Variants in NKAIN2 observed in about 807,000 individuals in gnomAD.
NKAIN2 encodes the protein sodium/potassium transporting ATPase interacting 2.
In NKAIN2, 14 loss-of-function variants were observed where a neutral mutation model predicts 32.6. The ratio of observed to expected loss-of-function variants is 0.43; its 90% CI spans 0.28 to 0.67. The LOEUF is 0.67. Ranked by LOEUF, NKAIN2 falls within the 30% of genes least tolerant of loss-of-function variation. The pLI, the probability that NKAIN2 is intolerant of heterozygous loss-of-function variation, is 0.17. For synonymous variants in NKAIN2, 80 were observed against 87.2 expected, an observed-to-expected ratio of 0.92 and a Z score of 0.46; for missense variants, 198 against 258.3, an observed-to-expected ratio of 0.77 and a Z score of 1.60.
At chr6:123,836,178 C>T (rs114793593) in intron 1 of NKAIN2, among the ~76,000 whole-genome samples, 235 of 151,918 alleles carry the variant, frequency 1.5e-3, no homozygotes, top group African/African-American at 5.6e-3. Context: ...CTTTAGAACT[C>T]GCTACTCTGG....
At chr6:123,845,908 A>G (rs939979029) in intron 1 of NKAIN2, among the ~76,000 whole-genome samples, 2 of 152,142 alleles carry the variant, frequency 1.3e-5, no homozygotes, top group Non-Finnish European at 2.9e-5. Flanking sequence ...CATATATACA[A>G]ATTACTTCCC....
chr6:124,013,679 CA>C (rs768061707), intron 1 of NKAIN2, among the ~76,000 whole-genome samples: 1 of 152,108 alleles, frequency 6.6e-6, no homozygotes, highest in African/African-American at 2.4e-5. Flanking sequence ...AAGAGACTTG[CA>C]GATATGATCA....
intron 1 of NKAIN2, among the ~76,000 whole-genome samples, chr6:123,994,556 T>C (rs1012869773): frequency 8.5e-5 from 13 of 152,126 alleles, no homozygotes; most frequent in Admixed American, 8.5e-4. Context: ...GTCTCTCCCC[T>C]TCTTCAAGTG....
chr6:124,637,372 G>A (rs1371502404), intron 3 of NKAIN2, among the ~76,000 whole-genome samples: 1 of 151,878 alleles, frequency 6.6e-6, no homozygotes, highest in Non-Finnish European at 1.5e-5. Flanking sequence ...ATTCAATATA[G>A]TACTAAAATG....
In NKAIN2 at chr6:124,114,087, G is replaced by A. The variant is rs2136700; in HGVS notation, c.55-168918G>A. Among the ~76,000 whole-genome samples the A allele has an allele frequency of 1.8e-3, 276 of 152,222 alleles. 1 individual carries two copies. Among genetic ancestry groups the A allele is most frequent in the African/African-American group, 5.9e-3 (245 of 41,550 alleles). On this transcript the variant is annotated intron_variant, in intron 1 of 6. Coordinates refer to ENST00000368417, the MANE Select transcript of NKAIN2 (RefSeq NM_001040214.3). ...AAGGTATCTTCCAGTTTTTCAAAAT[G>A]TTTGATTTTCAGTCTGACTAGCAAT...
intron 1 of NKAIN2, among the ~76,000 whole-genome samples, chr6:124,078,603 G>A (rs1395306171): frequency 5.3e-5 from 8 of 152,130 alleles, no homozygotes; most frequent in Admixed American, 4.6e-4. Flanking sequence ...CCTGAGAATT[G>A]TCTGCATCAA....
chr6:124,310,314 C>CATGCCTGCATAGAATGGTATTGCT (rs1796663740), intron 2 of NKAIN2, among the ~76,000 whole-genome samples: 1 of 151,792 alleles, frequency 6.6e-6, no homozygotes, highest in Admixed American at 6.6e-5. Context: ...CTTGTATTGC[C>CATGCCTGCATAGAATGGTATTGCT]ATGCCTGCAT....
At chr6:124,596,661 AGGGTGT>A (rs1236778960) in intron 3 of NKAIN2, among the ~76,000 whole-genome samples, 97 of 82,956 alleles carry the variant, frequency 1.2e-3, no homozygotes, top group African/African-American at 4.0e-3. Flanking sequence ...AATAAACCAT[AGGGTGT>A]GTGTGTGTGT....
rs191159880 is a variant in NKAIN2 at position 124,494,109 on chromosome 6, T to C, written c.273+138762T>C. 4.6e-5 allele frequency among the ~76,000 whole-genome samples: 7 copies of C among 152,222 alleles called. No individual in the cohort carries two copies. The East Asian group carries it at 1.2e-3, about 25-fold the overall frequency. ...ACAGCAAACTCCATCTTGATATATC[T>C]GTTCCGCTACCTCTATTGTAATGCA... is the stretch of plus-strand genomic sequence containing the variant. On this transcript the variant is annotated intron_variant, in intron 3 of 6. Coordinates refer to ENST00000368417, the MANE Select transcript of NKAIN2 (RefSeq NM_001040214.3).
intron 3 of NKAIN2, among the ~76,000 whole-genome samples, chr6:124,573,820 C>T (rs9491194): frequency 0.19 from 28,737 of 152,076 alleles, 4,566 homozygotes; most frequent in African/African-American, 0.44. Context: ...AGGTAAAATG[C>T]TTCACTCAAA....
chr6:124,363,521 G>C (rs762567864), intron 3 of NKAIN2, among the ~76,000 whole-genome samples: 2 of 152,132 alleles, frequency 1.3e-5, no homozygotes, highest in Admixed American at 6.5e-5. Flanking sequence ...TTCTGTACCA[G>C]GCTAAAAATA....
chr6:124,359,256 G>A (rs140146957), intron 3 of NKAIN2, among the ~76,000 whole-genome samples: 1,690 of 146,928 alleles, frequency 0.012, 32 homozygotes, highest in African/African-American at 0.039. Flanking sequence ...GGCAATGTGG[G>A]CTCTTTTTTG....
At chr6:124,435,868 T>C (rs893102691) in intron 3 of NKAIN2, among the ~76,000 whole-genome samples, 3 of 152,146 alleles carry the variant, frequency 2.0e-5, no homozygotes, top group African/African-American at 7.2e-5. Flanking sequence ...CACAGTATTA[T>C]TGGGTTCTTG....
At chr6:124,700,871 G>GACAC (rs143125409) in intron 4 of NKAIN2, among the ~76,000 whole-genome samples, 45,473 of 145,180 alleles carry the variant, frequency 0.31, 7,294 homozygotes, top group Non-Finnish European at 0.37. Flanking sequence ...TCTCTTTCCT[G>GACAC]ACACACACAC....
chr6:124,263,562 C>A (rs11758916), intron 1 of NKAIN2, among the ~76,000 whole-genome samples: 11,051 of 152,210 alleles, frequency 0.073, 433 homozygotes, highest in Middle Eastern at 0.1. Context: ...CATGTTAATA[C>A]ATTTTACAAA....
intron 5 of NKAIN2, among the ~76,000 whole-genome samples, chr6:124,797,681 G>T (rs1780062680): frequency 6.6e-6 from 1 of 152,112 alleles, no homozygotes; most frequent in South Asian, 2.1e-4. Context: ...TCTAAAGCCT[G>T]CTGGCCTACA....
At chr6:124,211,814 T>TC (rs1791191645) in intron 1 of NKAIN2, among the ~76,000 whole-genome samples, 1 of 152,066 alleles carries the variant, frequency 6.6e-6, no homozygotes, top group African/African-American at 2.4e-5. Context: ...CAGAAAAAGT[T>TC]AAAAGTCGAA....
intron 1 of NKAIN2, among the ~76,000 whole-genome samples, chr6:124,068,050 A>T (rs1169655265): frequency 6.6e-6 from 1 of 152,184 alleles, no homozygotes; most frequent in Admixed American, 6.6e-5. Flanking sequence ...CTGTTTATTT[A>T]TGGAAGAACT....
chr6:124,343,822 G>A (rs1338815028), intron 2 of NKAIN2, among the ~76,000 whole-genome samples: 2 of 147,356 alleles, frequency 1.4e-5, no homozygotes, highest in Admixed American at 1.4e-4. Context: ...CTGTGCAGAA[G>A]CTCTTTAGTT....
Sources: allele counts gnomAD v4.1 joint callset (sites outside exome capture counted in the v4.1 genomes callset), GRCh38; gene constraint gnomAD v4.1.1; transcripts MANE v1.5; gene names NCBI Gene and HGNC (gene_info 2026-07-23, HGNC 2026-07-21).